ZNF385A: variants seen among roughly 807,000 people sequenced by gnomAD.
ZNF385A encodes zinc finger protein 385A.
ZNF385A carries 14 observed loss-of-function variants against 32.1 expected under a neutral mutation model. That is an observed-to-expected ratio of 0.44 (90% CI 0.29 to 0.68). The LOEUF is 0.68. Among genes scored for constraint, ZNF385A ranks in the 30% least tolerant of loss-of-function variants. The pLI, the probability that ZNF385A is intolerant of heterozygous loss-of-function variation, is 0.14. For synonymous variants in ZNF385A, 197 were observed against 202.7 expected (o/e 0.97, Z 0.24); for missense variants, 406 against 478.4 (o/e 0.85, Z 1.41).
At chr12:54,374,694 GA>G (rs779380606) in intron 2 of ZNF385A, among the ~76,000 whole-genome samples, 1 of 152,170 alleles carries the variant, frequency 6.6e-6, no homozygotes, top group Non-Finnish European at 1.5e-5. Flanking sequence ...TCTGGGGACA[GA>G]AAACAGCAGT....
chr12:54,377,215 C>T (rs1592247236), intron 1 of ZNF385A, among the ~76,000 whole-genome samples: 1 of 152,174 alleles, frequency 6.6e-6, no homozygotes, highest in African/African-American at 2.4e-5. Context: ...AATGGGCTTT[C>T]GTATCCCTGT....
At chr12:54,388,550 C>T (rs1345412616), upstream of ZNF385A, among the ~76,000 whole-genome samples, 2 of 152,144 alleles carry the variant, frequency 1.3e-5, no homozygotes, top group Non-Finnish European at 2.9e-5. Flanking sequence ...TAGTATAGGG[C>T]TGTGGGTTAG....
rs187958994 is a variant in ZNF385A at position 54,370,564 on chromosome 12, C to A, written c.870+62G>T. 7.7e-4 allele frequency: 1,189 copies of A among 1,552,896 alleles called. 12 individuals carry two copies. The African/African-American group carries it at 0.013, about 17-fold the overall frequency. ...CCCACCTCTCCCTGGGCAAAGCCCG[C>A]GTCCCTCTCTCCTCCCCGCCCGCGC... On this transcript the variant is annotated intron_variant, in intron 6 of 6. Transcript: ENST00000394313. This position sits in a 1 kb window ranked among gnomAD's most constrained non-coding sequence, Gnocchi z 5.5.
chr12:54,385,999 G>A (rs915232530), upstream of ZNF385A, among the ~76,000 whole-genome samples: 4 of 152,088 alleles, frequency 2.6e-5, no homozygotes, highest in African/African-American at 9.7e-5. Context: ...GGGTGGTCAG[G>A]GTGACTGAGA....
intron 1 of ZNF385A, among the ~76,000 whole-genome samples, chr12:54,378,354 C>T (rs79789648): frequency 0.11 from 17,344 of 152,122 alleles, 1,412 homozygotes; most frequent in East Asian, 0.4. Context: ...GAGCTTCTTC[C>T]CTGGGATGCT....
chr12:54,370,495 G>A lies in ZNF385A; in HGVS notation c.871-9C>T. On this transcript the variant is annotated splice_polypyrimidine_tract_variant and intron_variant, in intron 6 of 6. Transcript: ENST00000394313. This position sits in a 1 kb window ranked among gnomAD's most constrained non-coding sequence, Gnocchi z 5.5. ...GAGAAAGTCAGCGTGCCCTGAAGCG[G>A]GCGAAAGGCGGAGGAAGAGAAGTCA... 1.3e-6 allele frequency: 2 copies of A among 1,551,118 alleles called. No homozygotes were observed. Among genetic ancestry groups the A allele is most frequent in the Non-Finnish European group, 1.7e-6 (2 of 1,146,828 alleles).
At chr12:54,390,116 C>T (rs1955596356) in intron 1 of ZNF385A, among the ~76,000 whole-genome samples, 1 of 152,088 alleles carries the variant, frequency 6.6e-6, no homozygotes, top group Non-Finnish European at 1.5e-5. Context: ...CCTCCAGGTA[C>T]CAGCATGGAG....
At position 54,370,726 on chromosome 12, in the gene ZNF385A, G is replaced by C. The variant is rs778091683; in HGVS notation, c.775-5C>G. ...GTGCCGCCGGCTGGAGATGTGCTGC[G>C]GGGGCCAGTGGATAGGGGGCTGTGA... On this transcript the variant is annotated splice_region_variant and splice_polypyrimidine_tract_variant and intron_variant, in intron 5 of 6. Transcript: ENST00000394313. The surrounding 1 kb of genome is among the most constrained non-coding windows in gnomAD (Gnocchi z 5.5). The C allele has an allele frequency of 6.3e-7, 1 of 1,584,402 alleles. No homozygotes were observed. The highest frequency in any genetic ancestry group is 8.6e-7 in the Non-Finnish European group (1 of 1,168,614).
rs758361829 is a variant in ZNF385A at position 54,370,725 on chromosome 12, C to T, written c.775-4G>A. 6.3e-7 allele frequency: 1 copy of T among 1,585,674 alleles called. No homozygotes were observed. Among genetic ancestry groups the T allele is most frequent in the South Asian group, 1.1e-5 (1 of 88,392 alleles). On this transcript the variant is annotated splice_region_variant and splice_polypyrimidine_tract_variant and intron_variant, in intron 5 of 6. Coordinates refer to ENST00000394313, the MANE Select transcript of ZNF385A (RefSeq NM_015481.3). The surrounding 1 kb of genome is among the most constrained non-coding windows in gnomAD (Gnocchi z 5.5). ...GGTGCCGCCGGCTGGAGATGTGCTG[C>T]GGGGGCCAGTGGATAGGGGGCTGTG...
chr12:54,387,277 G>T (rs1022570791), upstream of ZNF385A, among the ~76,000 whole-genome samples: 1 of 152,114 alleles, frequency 6.6e-6, no homozygotes, highest in Admixed American at 6.5e-5. Flanking sequence ...CTGGGTGAGC[G>T]GGGGAGGGGA....
rs1205944834 is a variant in ZNF385A, at chr12:54,369,955, TG to T, written c.*300del. ...GCTAGGTTTGGGGGGAAGGGCTGGATGGACATGGCTTTTGGGAGGGGGGGTG... is the reference window on the plus strand; with the variant it reads ...GCTAGGTTTGGGGGGAAGGGCTGGATGACATGGCTTTTGGGAGGGGGGGTG... On this transcript the variant is annotated 3_prime_UTR_variant, in exon 7 of 7. Coordinates refer to ENST00000394313, the MANE Select transcript of ZNF385A (RefSeq NM_015481.3). The T allele has an allele frequency of 2.2e-5, 7 of 312,010 alleles. No homozygotes were observed. The highest frequency in any genetic ancestry group is 1.5e-4 in the African/African-American group (7 of 45,734). 19.3% of individuals were successfully genotyped at this position (312,010 alleles called of 1,614,324 possible).
chr12:54,379,345 G>C (rs901156066), intron 1 of ZNF385A: 1 of 274,292 alleles, frequency 3.6e-6, no homozygotes, highest in Non-Finnish European at 5.6e-6. Context: ...AGAGGGAGAT[G>C]TCCATTATCC....
At chr12:54,379,048 AG>A in intron 1 of ZNF385A, 2 of 972,890 alleles carry the variant, frequency 2.1e-6, no homozygotes, top group South Asian at 4.8e-5. Flanking sequence ...GGGAGAGAGG[AG>A]GGGCCGGGTG....
chr12:54,388,745 A>T (rs2120369943), upstream of ZNF385A, among the ~76,000 whole-genome samples: 1 of 152,180 alleles, frequency 6.6e-6, no homozygotes, highest in South Asian at 2.1e-4. Flanking sequence ...TTTTCCCTTC[A>T]GGCCTTTTGG....
At chr12:54,373,379 G>C (rs1410939472) in intron 3 of ZNF385A, among the ~76,000 whole-genome samples, 1 of 151,818 alleles carries the variant, frequency 6.6e-6, no homozygotes, top group Non-Finnish European at 1.5e-5. Flanking sequence ...CCAATTTCTT[G>C]GCTGCAAGTA....
In ZNF385A at chr12:54,371,011, C is replaced by A. The variant is rs143375749; in HGVS notation, c.690G>T (p.Gly230=). ...AYPRLGPPTP[G]EPEAPAQDRT... is the part of the protein sequence containing the mutation. Reference sequence around the variant, plus strand: ...GGTCCTGGGCAGGAGCCTCTGGTTCCCCCGGGGTGGGAGGCCCCAGCCGAG... The same window carrying A: ...GGTCCTGGGCAGGAGCCTCTGGTTCACCCGGGGTGGGAGGCCCCAGCCGAG... Residue 230 remains glycine (G), a synonymous_variant, in exon 5 of 7, where the codon GGG becomes GGT. Transcript: ENST00000394313. The A allele has an allele frequency of 1.2e-6, 2 of 1,614,178 alleles. No homozygotes were observed. The highest frequency in any genetic ancestry group is 1.7e-6 in the Non-Finnish European group (2 of 1,180,012).
chr12:54,373,487 A>G (rs1204718127), intron 3 of ZNF385A, among the ~76,000 whole-genome samples: 4 of 151,924 alleles, frequency 2.6e-5, no homozygotes, highest in Non-Finnish European at 4.4e-5. Context: ...TCCCAGAAAA[A>G]AAAAAAAAAA....
intron 1 of ZNF385A, among the ~76,000 whole-genome samples, chr12:54,378,904 C>G (rs1162086164): frequency 1.3e-5 from 2 of 151,798 alleles, no homozygotes; most frequent in East Asian, 3.9e-4. Flanking sequence ...GCTGGGATCC[C>G]GAGATTGGTT....
intron 2 of ZNF385A, among the ~76,000 whole-genome samples, chr12:54,374,710 A>G (rs947679254): frequency 1.5e-4 from 23 of 152,124 alleles, no homozygotes; most frequent in African/African-American, 5.6e-4. Context: ...AGCAGTGGAG[A>G]CAGCTGTCAA....
Sources: gnomAD v4.1 joint callset for allele counts (sites outside exome capture counted in the v4.1 genomes callset) on GRCh38, gnomAD v4.1.1 for gene constraint, Gnocchi (gnomAD v3.1) non-coding constraint, MANE v1.5 for transcripts, NCBI Gene and HGNC (gene_info 2026-07-23, HGNC 2026-07-21) for gene names.